The following NCKAP5 variants were observed in gnomAD, a reference collection of about 807,000 sequenced individuals.
NCKAP5 encodes NCK associated protein 5.
NCKAP5 carries 92 observed loss-of-function variants against 167.0 expected under a neutral mutation model. The ratio of observed to expected loss-of-function variants is 0.55; its 90% CI spans 0.47 to 0.66. The LOEUF (loss-of-function observed/expected upper bound fraction) is 0.66, where lower values mean the gene tolerates loss of function less well. Ranked by LOEUF, NCKAP5 falls within the 30% of genes least tolerant of loss-of-function variation. NCKAP5 has a pLI of 0.00. For synonymous variants in NCKAP5, 891 were observed against 877.4 expected (o/e 1.02, Z -0.27); for missense variants, 2,378 against 2,315.0 (o/e 1.03, Z -0.56).
intron 6 of NCKAP5, among the ~76,000 whole-genome samples, chr2:133,001,595 A>T (rs1019204281): frequency 1.3e-5 from 2 of 152,202 alleles, no homozygotes; most frequent in East Asian, 3.8e-4. Flanking sequence ...TACTCCCAGT[A>T]ATAGTAGAGC....
At chr2:132,693,893 G>C (rs1687054519) in intron 19 of NCKAP5, among the ~76,000 whole-genome samples, 1 of 151,702 alleles carries the variant, frequency 6.6e-6, no homozygotes, top group African/African-American at 2.4e-5. Flanking sequence ...CAAAGTGCTG[G>C]GATTACATGC....
At chr2:133,142,000 A>T (rs1836222) in intron 5 of NCKAP5, among the ~76,000 whole-genome samples, 2 of 152,064 alleles carry the variant, frequency 1.3e-5, no homozygotes, top group Non-Finnish European at 2.9e-5. Flanking sequence ...TACAATTACC[A>T]AAGTTAGAAG....
chr2:133,058,895 G>T (rs532816837), intron 6 of NCKAP5, among the ~76,000 whole-genome samples: 2 of 152,262 alleles, frequency 1.3e-5, no homozygotes, highest in Non-Finnish European at 2.9e-5. Context: ...CTTCATTGAT[G>T]AATTTATTGA....
intron 6 of NCKAP5, among the ~76,000 whole-genome samples, chr2:133,018,769 G>T (rs1488329541): frequency 5.9e-5 from 9 of 152,308 alleles, no homozygotes; most frequent in Admixed American, 3.9e-4. Flanking sequence ...ATACTCAGAG[G>T]CAGGAGGAAC....
chr2:133,104,570 T>G (rs2081621377), intron 6 of NCKAP5, among the ~76,000 whole-genome samples: 1 of 152,220 alleles, frequency 6.6e-6, no homozygotes, highest in African/African-American at 2.4e-5. Flanking sequence ...TTCATTTATA[T>G]CTCATGTTTT....
intron 5 of NCKAP5, among the ~76,000 whole-genome samples, chr2:133,188,768 G>A (rs1029919928): frequency 5.3e-5 from 8 of 152,102 alleles, no homozygotes; most frequent in Admixed American, 3.9e-4. Flanking sequence ...CAGAATCTCT[G>A]GGGCACATTT....
intron 6 of NCKAP5, among the ~76,000 whole-genome samples, chr2:133,105,438 T>C (rs551943345): frequency 8.7e-4 from 133 of 152,384 alleles, no homozygotes; most frequent in Admixed American, 8.6e-3. Context: ...AATAAAATAC[T>C]AATTTGCACT....
intron 11 of NCKAP5, among the ~76,000 whole-genome samples, chr2:132,857,420 C>T (rs964791702): frequency 2.6e-5 from 4 of 152,086 alleles, no homozygotes; most frequent in Non-Finnish European, 5.9e-5. Context: ...TCATTCTTGG[C>T]AAGTATTCAG....
chr2:132,791,699 T>C (rs1000405973), intron 12 of NCKAP5, among the ~76,000 whole-genome samples: 3 of 152,256 alleles, frequency 2.0e-5, no homozygotes, highest in African/African-American at 7.2e-5. Context: ...TGCCTTTCAG[T>C]ACCTGAGTAC....
chr2:132,911,558 A>G (rs1694452856), intron 8 of NCKAP5, among the ~76,000 whole-genome samples: 1 of 152,140 alleles, frequency 6.6e-6, no homozygotes, highest in Non-Finnish European at 1.5e-5. Context: ...TCCCTATGTG[A>G]TATTTTAGTT....
At chr2:132,931,455 G>T (rs937515749) in intron 8 of NCKAP5, 1 of 152,076 alleles carries the variant, frequency 6.6e-6, no homozygotes, top group South Asian at 2.1e-4. Flanking sequence ...TGCCCGATTC[G>T]TGAATCATTC....
chr2:133,171,536 C>T (rs1559221405), intron 5 of NCKAP5, among the ~76,000 whole-genome samples: 1 of 152,152 alleles, frequency 6.6e-6, no homozygotes, highest in Non-Finnish European at 1.5e-5. Flanking sequence ...ATGCATTCAA[C>T]TTGCCAAGAA....
At chr2:133,005,167 A>T (rs1260547526) in intron 6 of NCKAP5, among the ~76,000 whole-genome samples, 1 of 152,210 alleles carries the variant, frequency 6.6e-6, no homozygotes, top group African/African-American at 2.4e-5. Context: ...AGATGATGGG[A>T]TTAAGAGATT....
At chr2:133,052,623 C>A (rs2079644443) in intron 6 of NCKAP5, among the ~76,000 whole-genome samples, 1 of 151,158 alleles carries the variant, frequency 6.6e-6, no homozygotes, top group South Asian at 2.1e-4. Context: ...GAGACTCAGG[C>A]AGGAGAATCG....
chr2:133,586,751 TCACACACACACACA>T, the NCKAP5 span, among the ~76,000 whole-genome samples: 247 of 141,014 alleles, frequency 1.8e-3, no homozygotes, highest in African/African-American at 4.4e-3. Flanking sequence ...GACAGCAATA[TCACACACACACACA>T]CACACACACA....
At chr2:133,356,657 T>C (rs1684734928) in intron 3 of NCKAP5, among the ~76,000 whole-genome samples, 1 of 152,176 alleles carries the variant, frequency 6.6e-6, no homozygotes, top group Non-Finnish European at 1.5e-5. Context: ...GTTTGGGAAG[T>C]TCATTGCTTT....
chr2:133,389,637 T>A (rs1226703457), intron 3 of NCKAP5, among the ~76,000 whole-genome samples: 1 of 152,234 alleles, frequency 6.6e-6, no homozygotes, highest in African/African-American at 2.4e-5. Context: ...ACGATACACC[T>A]ATTTCTAACT....
At chr2:133,222,724 G>A (rs2086708958) in intron 4 of NCKAP5, among the ~76,000 whole-genome samples, 1 of 152,208 alleles carries the variant, frequency 6.6e-6, no homozygotes, top group Non-Finnish European at 1.5e-5. Flanking sequence ...GCCTTCCATG[G>A]ATAAATGGAG....
At chr2:133,139,559 AGGCATT>A (rs1193003010) in intron 5 of NCKAP5, among the ~76,000 whole-genome samples, 1 of 152,296 alleles carries the variant, frequency 6.6e-6, no homozygotes, top group Non-Finnish European at 1.5e-5. Flanking sequence ...GACACACCAA[AGGCATT>A]GGTTTTAATT....
Sources: allele counts gnomAD v4.1 joint callset (sites outside exome capture counted in the v4.1 genomes callset), GRCh38; gene constraint gnomAD v4.1.1; transcripts MANE v1.5; gene names NCBI Gene and HGNC (gene_info 2026-07-23, HGNC 2026-07-21).